Variants in ZNF565 observed in about 807,000 individuals in gnomAD.
ZNF565 encodes the protein zinc finger protein 565.
A neutral mutation model predicts 39.4 loss-of-function variants in ZNF565; 27 were observed. That is an observed-to-expected ratio of 0.69 (90% CI 0.51 to 0.95). The LOEUF is 0.95. ZNF565 is among the 40% of genes least tolerant of loss of function. The pLI is 0.00. For missense variants in ZNF565, 524 were observed against 621.1 expected (o/e 0.84, Z 1.66); for synonymous variants, 185 against 216.6 (o/e 0.85, Z 1.28).
intron 4 of ZNF565, 70 bp downstream of exon 4, chr19:36,194,163 G>T: frequency 7.5e-7 from 1 of 1,329,170 alleles, no homozygotes; most frequent in Non-Finnish European, 1.0e-6. Flanking sequence ...ACTTCCCACA[G>T]TAACTCAAGT....
rs1881224547 is a variant in ZNF565 at position 36,182,478 on chromosome 19, A to C, written c.1488T>G (p.Ile496Met). ...LGSQLIEHYRIHTG is the reference protein window; with the variant it reads ...LGSQLIEHYRMHTG ...CACTCAAGGCTTTCTAACCAGTATG[A>C]ATTCTGTAGTGTTCAATGAGTTGTG... The change falls in exon 5 of 5, where the codon ATT becomes ATG. Residue 496 changes from isoleucine to methionine, a missense_variant. Coordinates refer to ENST00000304116, the MANE Select transcript of ZNF565 (RefSeq NM_152477.5). The C allele has an allele frequency of 3.2e-6, 5 of 1,564,262 alleles. No individual in the cohort carries two copies. The highest frequency in any genetic ancestry group is 1.7e-6 in the Non-Finnish European group (2 of 1,156,430).
At chr19:36,221,731 G>T (rs1976848035) in intron 1 of ZNF565, among the ~76,000 whole-genome samples, 1 of 151,652 alleles carries the variant, frequency 6.6e-6, no homozygotes, top group Non-Finnish European at 1.5e-5. Context: ...ATGTAAACAT[G>T]TCTTGTTTTT....
At chr19:36,214,839 C>G (rs1357666784), upstream of ZNF565, 1 of 152,658 alleles carries the variant, frequency 6.6e-6, no homozygotes, top group Non-Finnish European at 1.5e-5. Context: ...GTCGCCACTC[C>G]AGACCTTCCA....
rs2145289190 is a variant in ZNF565 at position 36,183,086 on chromosome 19, G to A, written c.880C>T (p.Leu294Phe). 2.5e-6 allele frequency: 4 copies of A among 1,614,180 alleles called. No individual in the cohort carries two copies. Among genetic ancestry groups the A allele is most frequent in the East Asian group, 2.2e-5 (1 of 44,890 alleles). The change falls in exon 5 of 5, where the codon CTC (leucine) becomes TTC (phenylalanine). Residue 294 changes from leucine (L) to phenylalanine (F), a missense_variant. Coordinates refer to ENST00000304116, the MANE Select transcript of ZNF565 (RefSeq NM_152477.5). ...CGKAFIRGSQ[L>F]TVHRRIHTGA... Reference sequence around the variant, plus strand: ...GTGTGGATTCTCCGATGCACAGTGAGTTGGGAGCCACGAATGAAAGCCTTG... The same window carrying A: ...GTGTGGATTCTCCGATGCACAGTGAATTGGGAGCCACGAATGAAAGCCTTG...
At chr19:36,199,056 T>C (rs1326527214) in intron 2 of ZNF565, among the ~76,000 whole-genome samples, 1 of 152,164 alleles carries the variant, frequency 6.6e-6, no homozygotes, top group Non-Finnish European at 1.5e-5. Flanking sequence ...ATATATACCA[T>C]GTACTGACAA....
intron 1 of ZNF565, among the ~76,000 whole-genome samples, chr19:36,234,436 T>C (rs1977555684): frequency 6.6e-6 from 1 of 152,234 alleles, no homozygotes; most frequent in Non-Finnish European, 1.5e-5. Context: ...TGTCCTAATA[T>C]TAGACTACCC....
chr19:36,203,710 G>C (rs1220274894), intron 1 of ZNF565, among the ~76,000 whole-genome samples: 2 of 152,094 alleles, frequency 1.3e-5, no homozygotes. Context: ...CAAGTAGCTA[G>C]GAGTACAGGC....
intron 4 of ZNF565, among the ~76,000 whole-genome samples, chr19:36,190,654 G>C (rs1334171505): frequency 6.6e-6 from 1 of 151,800 alleles, no homozygotes; most frequent in East Asian, 1.9e-4. Context: ...AGTTTATCTG[G>C]GTGGACACAA....
chr19:36,229,141 GT>G (rs1977209680), intron 1 of ZNF565, among the ~76,000 whole-genome samples: 1 of 152,112 alleles, frequency 6.6e-6, no homozygotes, highest in South Asian at 2.1e-4. Flanking sequence ...TTTATACTTT[GT>G]AAAACCTTAC....
chr19:36,217,166 G>A (rs1344375960), upstream of ZNF565, among the ~76,000 whole-genome samples: 1 of 139,052 alleles, frequency 7.2e-6, no homozygotes, highest in Non-Finnish European at 1.5e-5. Context: ...AGGTTCAAGC[G>A]ATTCTCTTGG....
chr19:36,229,044 T>C (rs2432053), intron 1 of ZNF565, among the ~76,000 whole-genome samples: 104,258 of 152,186 alleles, frequency 0.69, 35,794 homozygotes, highest in Middle Eastern at 0.74. Flanking sequence ...GCTGTTCTGA[T>C]GTCAGCCTTC....
chr19:36,215,135 C>T (rs1208163063), upstream of ZNF565: 1 of 152,218 alleles, frequency 6.6e-6, no homozygotes, highest in Non-Finnish European at 1.5e-5. Flanking sequence ...ACCGAGTGGA[C>T]ATTTTGGTCT....
chr19:36,215,057 C>T (rs1976537596), upstream of ZNF565: 1 of 152,292 alleles, frequency 6.6e-6, no homozygotes, highest in South Asian at 2.1e-4. Context: ...CCGCGGTGAC[C>T]GAGGCGGGCC....
In ZNF565 at chr19:36,202,067, G is replaced by T; in HGVS notation, c.-65-17C>A. 1 of 1,420,110 alleles carries T rather than the reference G, an allele frequency of 7.0e-7. No homozygotes were observed. The highest frequency in any genetic ancestry group is 1.0e-6 in the Non-Finnish European group (1 of 1,004,644). 88.0% of individuals were successfully genotyped at this position (1,420,110 alleles called of 1,614,324 possible). On this transcript the variant is annotated splice_polypyrimidine_tract_variant and intron_variant, in intron 1 of 4. Coordinates refer to ENST00000304116, the MANE Select transcript of ZNF565 (RefSeq NM_152477.5). ...TGCAGAGTCCTGAAAAAGCAAAATG[G>T]GGGGAGATGGGGTAACCTCTGATAA...
At chr19:36,231,917 A>C (rs1200674451) in intron 1 of ZNF565, among the ~76,000 whole-genome samples, 1 of 151,716 alleles carries the variant, frequency 6.6e-6, no homozygotes, top group Non-Finnish European at 1.5e-5. Context: ...TTTAAAAAAA[A>C]AAAGGCCAGA....
chr19:36,221,927 C>CT (rs60347994), intron 1 of ZNF565, among the ~76,000 whole-genome samples: 34,092 of 109,486 alleles, frequency 0.31, 5,534 homozygotes, highest in South Asian at 0.44. Context: ...TTTTTTCTTT[C>CT]TTTTTTTTTT....
At position 36,219,738 on chromosome 19, in the gene ZNF565, T is replaced by C. The variant is rs373451264; in HGVS notation, c.56-17688A>G. ...CTGGATGAGTAAATTTCTACAGGTATTGTAAAGTGATGATTTTCTGTTTTT... is the reference window on the plus strand; with the variant it reads ...CTGGATGAGTAAATTTCTACAGGTACTGTAAAGTGATGATTTTCTGTTTTT... On this transcript the variant is annotated intron_variant, in intron 1 of 4. Coordinates refer to the ZNF565 transcript ENST00000355114. Among the ~76,000 whole-genome samples, 10 of 152,342 alleles carry C rather than the reference T, an allele frequency of 6.6e-5. No homozygotes were observed. The East Asian group carries it at 1.7e-3, about 26-fold the overall frequency.
At chr19:36,242,001 A>G (rs890171633) in intron 1 of ZNF565, among the ~76,000 whole-genome samples, 1 of 152,254 alleles carries the variant, frequency 6.6e-6, no homozygotes, top group African/African-American at 2.4e-5. Context: ...ATACCAAAGT[A>G]TAAGCAGGAA....
intron 1 of ZNF565, chr19:36,238,398 A>G (rs1047396177): frequency 7.8e-5 from 13 of 167,072 alleles, no homozygotes; most frequent in African/African-American, 2.7e-4. Context: ...AAGGGAAAAT[A>G]ATGAGTGTGG....
Sources: gnomAD v4.1 joint callset for allele counts (sites outside exome capture counted in the v4.1 genomes callset) on GRCh38, gnomAD v4.1.1 for gene constraint, MANE v1.5 for transcripts, NCBI Gene and HGNC (gene_info 2026-07-23, HGNC 2026-07-21) for gene names.